The following FER variants were observed in gnomAD, a reference collection of about 807,000 sequenced individuals.
The protein encoded by FER is FER tyrosine kinase, also known as tyrosine-protein kinase Fer.
In FER, 63 loss-of-function variants were observed where a neutral mutation model predicts 111.0. The ratio of observed to expected loss-of-function variants is 0.57; its 90% confidence interval spans 0.46 to 0.70. The LOEUF (loss-of-function observed/expected upper bound fraction) is 0.70, where lower values mean the gene tolerates loss of function less well. Among genes scored for constraint, FER ranks in the 30% least tolerant of loss-of-function variants. FER has a pLI of 0.00. For synonymous variants in FER, 327 were observed against 313.9 expected, an observed-to-expected ratio of 1.04 and a Z score of -0.44; for missense variants, 914 against 954.0, an observed-to-expected ratio of 0.96 and a Z score of 0.55.
At chr5:108,795,058 TGTACTTTGGAAGGCCA>T (rs1414493989) in intron 2 of FER, among the ~76,000 whole-genome samples, 4 of 152,232 alleles carry the variant, frequency 2.6e-5, no homozygotes, top group Non-Finnish European at 4.4e-5. Context: ...GGCTCATGCC[TGTACTTTGGAAGGCCA>T]GTACTTTGGA....
At chr5:109,151,230 A>G (rs1754811882) in intron 17 of FER, among the ~76,000 whole-genome samples, 1 of 152,092 alleles carries the variant, frequency 6.6e-6, no homozygotes, top group Admixed American at 6.5e-5. Context: ...TTTTCTACAC[A>G]TTACTTTGAG....
At chr5:109,112,293 C>G (rs1749723941) in intron 17 of FER, among the ~76,000 whole-genome samples, 1 of 151,858 alleles carries the variant, frequency 6.6e-6, no homozygotes, top group Admixed American at 6.6e-5. Context: ...GAAAAGAAAA[C>G]AAAGATAGCT....
chr5:108,901,060 C>G (rs78439513), intron 10 of FER, among the ~76,000 whole-genome samples: 8,323 of 151,998 alleles, frequency 0.055, 323 homozygotes, highest in Non-Finnish European at 0.079. Flanking sequence ...TTTGGCTCCC[C>G]TTTACCTCTT....
chr5:109,022,475 T>C (rs1475284314), intron 13 of FER, among the ~76,000 whole-genome samples: 1 of 152,124 alleles, frequency 6.6e-6, no homozygotes, highest in African/African-American at 2.4e-5. Flanking sequence ...TTGAAGTGAA[T>C]ATTTGACTTT....
chr5:108,901,787 A>C (rs1750060463), intron 10 of FER, among the ~76,000 whole-genome samples: 1 of 152,146 alleles, frequency 6.6e-6, no homozygotes, highest in South Asian at 2.1e-4. Context: ...CCTTGTCTCT[A>C]CAAATATATA....
chr5:109,122,298 T>A (rs1392102323), intron 17 of FER, among the ~76,000 whole-genome samples: 1 of 152,152 alleles, frequency 6.6e-6, no homozygotes, highest in South Asian at 2.1e-4. Context: ...GGACATTTTT[T>A]AATTTCCTTC....
intron 3 of FER, among the ~76,000 whole-genome samples, chr5:108,811,637 A>G (rs1220769519): frequency 6.6e-6 from 1 of 152,100 alleles, no homozygotes; most frequent in East Asian, 1.9e-4. Flanking sequence ...GGAGATATAT[A>G]TATATGATTT....
intron 17 of FER, among the ~76,000 whole-genome samples, chr5:109,165,369 T>A (rs1168560436): frequency 1.3e-5 from 2 of 152,146 alleles, no homozygotes; most frequent in Admixed American, 1.3e-4. Context: ...TCTCTTTATA[T>A]CAGACTAAAA....
chr5:108,764,378 T>G (rs1029047181), intron 1 of FER, among the ~76,000 whole-genome samples: 22 of 152,048 alleles, frequency 1.4e-4, no homozygotes, highest in Non-Finnish European at 4.4e-5. Context: ...TTATTTTATT[T>G]TTTAAATTTA....
intron 1 of FER, among the ~76,000 whole-genome samples, chr5:108,761,646 A>G (rs547991013): frequency 6.6e-6 from 1 of 152,368 alleles, no homozygotes; most frequent in South Asian, 2.1e-4. Flanking sequence ...TGGTGCCAAT[A>G]GAGTTGCTCA....
intron 10 of FER, among the ~76,000 whole-genome samples, chr5:108,918,416 T>C (rs576990817): frequency 8.8e-4 from 134 of 152,212 alleles, no homozygotes; most frequent in African/African-American, 3.1e-3. Flanking sequence ...AATGCAGCTG[T>C]CTCTAAATTG....
chr5:108,835,656 C>A, intron 4 of FER, 52 bp from the exon 5 acceptor site: 1 of 1,187,286 alleles, frequency 8.4e-7, no homozygotes, highest in Non-Finnish European at 1.2e-6. Flanking sequence ...AGTTCTTGAG[C>A]AATTTAAATT....
intron 17 of FER, among the ~76,000 whole-genome samples, chr5:109,167,112 T>C (rs906041108): frequency 6.6e-6 from 1 of 152,184 alleles, no homozygotes; most frequent in African/African-American, 2.4e-5. Flanking sequence ...TTGAACTCTT[T>C]GAGGGAAGGA....
At chr5:109,024,936 A>G (rs59024284) in intron 13 of FER, among the ~76,000 whole-genome samples, 22,764 of 141,286 alleles carry the variant, frequency 0.16, 2,044 homozygotes, top group Non-Finnish European at 0.19. Context: ...TTGTAGATAT[A>G]CGGCCTTATT....
rs921462499 is a variant in FER, at chr5:108,893,321, T to G, written c.1047-4338T>G. 4.6e-5 allele frequency among the ~76,000 whole-genome samples: 7 copies of G among 152,128 alleles called. No homozygotes were observed. The East Asian group carries it at 1.2e-3, about 25-fold the overall frequency. On this transcript the variant is annotated intron_variant, in intron 9 of 19. Transcript: ENST00000281092. Reference sequence around the variant, plus strand: ...TTGTTTTTTTTTTCTAAAAGTTTAATAGTTTGAGATTTTACATTTACATCT... The same window carrying G: ...TTGTTTTTTTTTTCTAAAAGTTTAAGAGTTTGAGATTTTACATTTACATCT...
At chr5:108,865,951 G>C (rs1045014496) in intron 5 of FER, among the ~76,000 whole-genome samples, 1 of 152,176 alleles carries the variant, frequency 6.6e-6, no homozygotes, top group Non-Finnish European at 1.5e-5. Context: ...TGCTGGAGAG[G>C]ATGTGGAGAA....
intron 17 of FER, among the ~76,000 whole-genome samples, chr5:109,121,927 G>C (rs970233499): frequency 1.2e-4 from 18 of 151,922 alleles, no homozygotes; most frequent in African/African-American, 3.9e-4. Context: ...TATTTTGGCA[G>C]TATCAGTTAT....
At chr5:109,012,685 G>A (rs1469850741) in intron 13 of FER, among the ~76,000 whole-genome samples, 1 of 152,168 alleles carries the variant, frequency 6.6e-6, no homozygotes, top group Non-Finnish European at 1.5e-5. Flanking sequence ...ACTTTGTCTT[G>A]ATAGGACATT....
intron 3 of FER, among the ~76,000 whole-genome samples, chr5:108,831,688 C>A (rs1037159269): frequency 6.6e-6 from 1 of 152,114 alleles, no homozygotes; most frequent in African/African-American, 2.4e-5. Context: ...CAGATCCTGG[C>A]AACTTTGTAT....
Sources: gnomAD v4.1 joint callset for allele counts (sites outside exome capture counted in the v4.1 genomes callset) on GRCh38, gnomAD v4.1.1 for gene constraint, MANE v1.5 for transcripts, NCBI Gene and HGNC (gene_info 2026-07-23, HGNC 2026-07-21) for gene names.